ANKS1B: variants seen among roughly 807,000 people sequenced by gnomAD.
ANKS1B encodes the protein ankyrin repeat and sterile alpha motif domain containing 1B.
In ANKS1B, 36 loss-of-function variants were observed where a neutral mutation model predicts 148.3. The ratio of observed to expected loss-of-function variants is 0.24; its 90% CI spans 0.19 to 0.32. ANKS1B has a LOEUF of 0.32. Ranked by LOEUF, ANKS1B falls within the 10% of genes least tolerant of loss-of-function variation. The pLI is 1.00. For missense variants in ANKS1B, 1,157 were observed against 1,542.6 expected, an observed-to-expected ratio of 0.75 and a Z score of 4.19; for synonymous variants, 542 against 560.8, an observed-to-expected ratio of 0.97 and a Z score of 0.47.
At chr12:99,931,854 C>T (rs1198495894) in intron 1 of ANKS1B, among the ~76,000 whole-genome samples, 1 of 152,092 alleles carries the variant, frequency 6.6e-6, no homozygotes. Context: ...GTTGTGCTAT[C>T]AAATGCTAGG....
intron 22 of ANKS1B, 88 bp from the exon 23 acceptor site, chr12:98,782,225 T>A: frequency 8.9e-7 from 1 of 1,122,046 alleles, no homozygotes; most frequent in Admixed American, 2.1e-5. Flanking sequence ...TTTCAATAAT[T>A]CACCAACAGT....
intron 14 of ANKS1B, among the ~76,000 whole-genome samples, chr12:99,178,806 C>T (rs1009653121): frequency 5.9e-5 from 9 of 152,090 alleles, no homozygotes; most frequent in African/African-American, 1.7e-4. Context: ...TAGTTTTAGA[C>T]GTGCTTTAAA....
intron 12 of ANKS1B, among the ~76,000 whole-genome samples, chr12:99,384,730 C>T (rs989777670): frequency 3.3e-5 from 5 of 151,812 alleles, no homozygotes; most frequent in Non-Finnish European, 5.9e-5. Flanking sequence ...AAGCATCACT[C>T]GTTTTGTGAA....
At chr12:99,124,288 G>A (rs2063696149) in intron 15 of ANKS1B, among the ~76,000 whole-genome samples, 1 of 152,146 alleles carries the variant, frequency 6.6e-6, no homozygotes, top group South Asian at 2.1e-4. Context: ...TGTTTTTAGA[G>A]GTAGTGCCAG....
At chr12:99,806,302 A>G in intron 4 of ANKS1B, 102 bp downstream of exon 4, 1 of 1,420,978 alleles carries the variant, frequency 7.0e-7, no homozygotes, top group South Asian at 1.3e-5. Flanking sequence ...GTACTTGTGA[A>G]CAATTTGATT....
chr12:99,685,610 T>C (rs376870077), intron 8 of ANKS1B, among the ~76,000 whole-genome samples: 3 of 152,114 alleles, frequency 2.0e-5, no homozygotes, highest in Admixed American at 1.3e-4. Context: ...AGTCATTATA[T>C]GAAAAAGACA....
chr12:99,595,337 A>G (rs2097747426), intron 9 of ANKS1B, among the ~76,000 whole-genome samples: 1 of 151,920 alleles, frequency 6.6e-6, no homozygotes, highest in Admixed American at 6.6e-5. Context: ...AGATGCTAAT[A>G]TTTGGACAAG....
At chr12:98,895,462 C>T (rs1464128432) in intron 17 of ANKS1B, among the ~76,000 whole-genome samples, 1 of 152,178 alleles carries the variant, frequency 6.6e-6, no homozygotes, top group Admixed American at 6.5e-5. Flanking sequence ...GAGAGGAGGA[C>T]GAGGAGGGCA....
chr12:99,710,998 A>C (rs1500666), intron 8 of ANKS1B, among the ~76,000 whole-genome samples: 100,605 of 151,790 alleles, frequency 0.66, 33,439 homozygotes, highest in Non-Finnish European at 0.69. Flanking sequence ...AGGAATCACC[A>C]AAGACCCTCT....
intron 19 of ANKS1B, among the ~76,000 whole-genome samples, chr12:98,812,684 G>C (rs1268823904): frequency 6.6e-6 from 1 of 151,844 alleles, no homozygotes; most frequent in Non-Finnish European, 1.5e-5. Flanking sequence ...AGTGATTCTT[G>C]TACCTCAGCC....
intron 9 of ANKS1B, among the ~76,000 whole-genome samples, chr12:99,560,833 CTTTTTTCT>C (rs1567352774): frequency 9.8e-6 from 1 of 102,254 alleles, no homozygotes; most frequent in East Asian, 2.9e-4. Flanking sequence ...CAATTTCTTT[CTTTTTTCT>C]TTTTTTTTTT....
intron 12 of ANKS1B, among the ~76,000 whole-genome samples, chr12:99,325,659 G>A (rs1364709446): frequency 6.6e-6 from 1 of 152,108 alleles, no homozygotes. Flanking sequence ...GCCCAGATCA[G>A]CTGCAGACAA....
At chr12:99,696,026 C>G (rs895094065) in intron 8 of ANKS1B, among the ~76,000 whole-genome samples, 2 of 151,996 alleles carry the variant, frequency 1.3e-5, no homozygotes, top group Non-Finnish European at 2.9e-5. Flanking sequence ...CACTTGTACC[C>G]CAAAACTCAG....
chr12:99,777,045 A>G (rs1165772975), intron 6 of ANKS1B, among the ~76,000 whole-genome samples: 4 of 152,230 alleles, frequency 2.6e-5, no homozygotes, highest in African/African-American at 7.2e-5. Flanking sequence ...ATGTGGGCTC[A>G]AAATATGTGA....
intron 10 of ANKS1B, among the ~76,000 whole-genome samples, chr12:99,503,286 T>C (rs1166428800): frequency 1.3e-5 from 2 of 152,320 alleles, no homozygotes; most frequent in East Asian, 3.9e-4. Context: ...ATTTAACCCT[T>C]CTTAAGATCT....
rs1340166059 is a variant in ANKS1B at position 99,935,039 on chromosome 12, C to A, written c.134+49065G>T. Among the ~76,000 whole-genome samples, 4 of 150,638 alleles carry A rather than the reference C, an allele frequency of 2.7e-5. No individual in the cohort carries two copies. The East Asian group carries it at 5.8e-4, about 22-fold the overall frequency. The stretch of plus-strand genomic sequence containing the variant: ...GAATGTATATACAGTCCTTTCTATT[C>A]CGATAAATAAATTAAAAAGCATAAA... On this transcript the variant is annotated intron_variant, in intron 1 of 26. Coordinates refer to ENST00000683438, the MANE Select transcript of ANKS1B (RefSeq NM_001352186.2).
intron 4 of ANKS1B, among the ~76,000 whole-genome samples, chr12:99,784,271 A>C (rs955904076): frequency 4.7e-5 from 7 of 148,560 alleles, no homozygotes; most frequent in Non-Finnish European, 1.0e-4. Context: ...TCCAGGGTTC[A>C]CACCATTCCC....
chr12:99,078,693 C>A (rs1168908056), intron 16 of ANKS1B, among the ~76,000 whole-genome samples: 1 of 152,100 alleles, frequency 6.6e-6, no homozygotes, highest in East Asian at 1.9e-4. Flanking sequence ...GGAAACTAGG[C>A]TGTAAAGTAG....
chr12:99,975,785 T>C (rs2095619628), intron 1 of ANKS1B, among the ~76,000 whole-genome samples: 2 of 152,146 alleles, frequency 1.3e-5, no homozygotes, highest in Admixed American at 1.3e-4. Context: ...GTGTGGAAGG[T>C]AGTACAGAGA....
Sources: allele counts gnomAD v4.1 joint callset (sites outside exome capture counted in the v4.1 genomes callset), GRCh38; gene constraint gnomAD v4.1.1; transcripts MANE v1.5; gene names NCBI Gene and HGNC (gene_info 2026-07-23, HGNC 2026-07-21).